FBXL17: variants seen among roughly 807,000 people sequenced by gnomAD.
The protein encoded by FBXL17 is F-box/LRR-repeat protein 17.
Under a neutral mutation model 66.2 loss-of-function variants are expected in FBXL17, and 22 were observed. The ratio of observed to expected loss-of-function variants is 0.33; its 90% CI spans 0.24 to 0.47. The LOEUF (loss-of-function observed/expected upper bound fraction) is 0.47, where lower values mean the gene tolerates loss of function less well. Among genes scored for constraint, FBXL17 ranks in the 20% least tolerant of loss-of-function variants. FBXL17 has a pLI of 1.00. For missense variants in FBXL17, 878 were observed against 948.2 expected (o/e 0.93, Z 0.97); for synonymous variants, 474 against 400.5 (o/e 1.18, Z -2.19).
intron 6 of FBXL17, among the ~76,000 whole-genome samples, chr5:108,122,791 A>ACTGCCT (rs1750554358): frequency 6.6e-6 from 1 of 152,168 alleles, no homozygotes; most frequent in Non-Finnish European, 1.5e-5. Context: ...CCCAGACAGC[A>ACTGCCT]CTGCCTCTGC....
chr5:108,368,484 A>AT (rs1473314880), intron 1 of FBXL17, among the ~76,000 whole-genome samples: 6 of 152,118 alleles, frequency 3.9e-5, no homozygotes. Flanking sequence ...CACCAATCTA[A>AT]TAATAAAATA....
chr5:108,207,950 A>G (rs950813976), intron 5 of FBXL17, among the ~76,000 whole-genome samples: 2 of 152,046 alleles, frequency 1.3e-5, no homozygotes, highest in African/African-American at 4.8e-5. Flanking sequence ...AAGTGTCCCT[A>G]TTTCTCCACA....
At chr5:108,333,257 C>T (rs1019717886) in intron 4 of FBXL17, among the ~76,000 whole-genome samples, 8 of 150,608 alleles carry the variant, frequency 5.3e-5, no homozygotes, top group African/African-American at 1.9e-4. Context: ...AATGTGAAGA[C>T]AATGCAACAT....
At chr5:108,065,620 T>A (rs947397600) in intron 6 of FBXL17, among the ~76,000 whole-genome samples, 1 of 152,206 alleles carries the variant, frequency 6.6e-6, no homozygotes, top group Non-Finnish European at 1.5e-5. Flanking sequence ...AGGTGTATGA[T>A]TGATTACAGA....
At chr5:108,166,573 A>G (rs1158529947) in intron 6 of FBXL17, among the ~76,000 whole-genome samples, 2 of 152,366 alleles carry the variant, frequency 1.3e-5, no homozygotes, top group East Asian at 3.9e-4. Flanking sequence ...ATAGAGTGTG[A>G]TTTGATATGT....
chr5:108,278,939 C>A (rs1388211526), intron 4 of FBXL17, among the ~76,000 whole-genome samples: 1 of 152,160 alleles, frequency 6.6e-6, no homozygotes. Context: ...CTAAAGGTTA[C>A]AAACCCAATC....
chr5:107,906,894 A>C (rs1035798826), intron 7 of FBXL17, among the ~76,000 whole-genome samples: 4 of 152,210 alleles, frequency 2.6e-5, no homozygotes, highest in Non-Finnish European at 5.9e-5. Context: ...CTGTTACATT[A>C]AACTTAATTT....
intron 4 of FBXL17, among the ~76,000 whole-genome samples, chr5:108,252,361 T>C (rs916879009): frequency 4.6e-5 from 7 of 152,064 alleles, no homozygotes; most frequent in African/African-American, 1.2e-4. Context: ...CAATGCATGA[T>C]TGAAGAAAAG....
At chr5:108,045,709 C>G (rs1412430377) in intron 6 of FBXL17, among the ~76,000 whole-genome samples, 1 of 152,074 alleles carries the variant, frequency 6.6e-6, no homozygotes, top group Non-Finnish European at 1.5e-5. Flanking sequence ...TCTCTTGTGA[C>G]TTCCTCTTTC....
intron 4 of FBXL17, among the ~76,000 whole-genome samples, chr5:108,277,370 A>C (rs1262510560): frequency 6.6e-6 from 1 of 152,164 alleles, no homozygotes; most frequent in African/African-American, 2.4e-5. Flanking sequence ...TTATCAACTT[A>C]TTAAACTTTC....
intron 6 of FBXL17, among the ~76,000 whole-genome samples, chr5:108,159,568 T>C (rs1425063787): frequency 2.0e-5 from 3 of 152,130 alleles, no homozygotes; most frequent in African/African-American, 7.2e-5. Flanking sequence ...GTGCCATCCA[T>C]GAACGAGGAA....
chr5:108,031,703 T>C (rs1746650232), intron 6 of FBXL17, among the ~76,000 whole-genome samples: 1 of 152,166 alleles, frequency 6.6e-6, no homozygotes, highest in Non-Finnish European at 1.5e-5. Context: ...AAAGTATCAT[T>C]GTACATGGTT....
intron 4 of FBXL17, among the ~76,000 whole-genome samples, chr5:108,346,354 G>T (rs1474066906): frequency 1.3e-5 from 2 of 151,790 alleles, no homozygotes; most frequent in Non-Finnish European, 2.9e-5. Flanking sequence ...CAAAACTGAT[G>T]CCCTTAGCAT....
At position 107,860,429 on chromosome 5, in the gene FBXL17, C is replaced by T. The variant is rs2112475173; in HGVS notation, c.*1291G>A. 1 of 152,618 alleles carries T rather than the reference C, an allele frequency of 6.6e-6. No homozygotes were observed. The highest frequency in any genetic ancestry group is 2.4e-5 in the African/African-American group (1 of 41,532). 9.5% of individuals were successfully genotyped at this position (152,618 alleles called of 1,614,324 possible). On this transcript the variant is annotated 3_prime_UTR_variant, in exon 9 of 9. Transcript: ENST00000542267. Reference sequence around the variant, plus strand: ...AGGAACAGTTATTTGAGCCTGAGTCCCTATTATGAATTAATTGTAAAGATG... The same window carrying T: ...AGGAACAGTTATTTGAGCCTGAGTCTCTATTATGAATTAATTGTAAAGATG...
intron 6 of FBXL17, among the ~76,000 whole-genome samples, chr5:108,171,350 G>C (rs545554102): frequency 6.6e-6 from 1 of 152,066 alleles, no homozygotes; most frequent in East Asian, 1.9e-4. Context: ...GGATATTGTG[G>C]GGGCTTTGAG....
chr5:108,091,282 T>C (rs2149930239), intron 6 of FBXL17, among the ~76,000 whole-genome samples: 1 of 152,338 alleles, frequency 6.6e-6, no homozygotes, highest in Middle Eastern at 3.4e-3. Context: ...TATTTAACAT[T>C]TATTGAGTCC....
chr5:107,898,938 G>A (rs1217668881), intron 7 of FBXL17, among the ~76,000 whole-genome samples: 1 of 152,164 alleles, frequency 6.6e-6, no homozygotes, highest in African/African-American at 2.4e-5. Flanking sequence ...ATGTGCATGT[G>A]TCTTTATAAT....
intron 6 of FBXL17, among the ~76,000 whole-genome samples, chr5:108,172,989 C>T (rs972562282): frequency 1.5e-4 from 22 of 151,598 alleles, no homozygotes; most frequent in Admixed American, 5.9e-4. Flanking sequence ...TTAGTAAAGA[C>T]GGGGTTTCAC....
rs185888872 is a variant in FBXL17 at position 107,993,392 on chromosome 5, G to C, written c.1822+27533C>G. Among the ~76,000 whole-genome samples, 22 of 152,180 alleles carry C rather than the reference G, an allele frequency of 1.4e-4. No homozygotes were observed. The East Asian group carries it at 4.1e-3, about 28-fold the overall frequency. ...TGTGAGTCTATTAAACAAATAATTA[G>C]GTAAAAAATTAGAGATACAGGGATT... On this transcript the variant is annotated intron_variant, in intron 7 of 8. Coordinates refer to ENST00000542267, the MANE Select transcript of FBXL17 (RefSeq NM_001163315.3).
Sources: allele counts gnomAD v4.1 joint callset (sites outside exome capture counted in the v4.1 genomes callset), GRCh38; gene constraint gnomAD v4.1.1; transcripts MANE v1.5; gene names NCBI Gene and HGNC (gene_info 2026-07-23, HGNC 2026-07-21).